Variants in CNTN4 observed in about 807,000 individuals in gnomAD.
CNTN4 encodes the protein contactin 4.
CNTN4 carries 77 observed loss-of-function variants against 122.5 expected under a neutral mutation model. The observed-to-expected ratio is 0.63, with a 90% CI of 0.52 to 0.76. The LOEUF (loss-of-function observed/expected upper bound fraction) is 0.76, where lower values mean the gene tolerates loss of function less well. Among genes scored for constraint, CNTN4 ranks in the 30% least tolerant of loss-of-function variants. CNTN4 has a pLI of 0.00. For missense variants in CNTN4, 1,256 were observed against 1,259.1 expected (o/e 1.00, Z 0.04); for synonymous variants, 512 against 447.0 (o/e 1.15, Z -1.83).
chr3:2,285,264 G>A (rs911237008), intron 2 of CNTN4, among the ~76,000 whole-genome samples: 4 of 151,936 alleles, frequency 2.6e-5, no homozygotes, highest in South Asian at 2.1e-4. Flanking sequence ...GTTCTTAATC[G>A]CAAAAAATTT....
chr3:2,985,029 T>C (rs1191406349), intron 13 of CNTN4, among the ~76,000 whole-genome samples: 2 of 152,268 alleles, frequency 1.3e-5, no homozygotes. Context: ...AGATGGTCTT[T>C]ACTGAGCAAC....
At chr3:2,822,662 C>T (rs975039777) in intron 7 of CNTN4, among the ~76,000 whole-genome samples, 3 of 152,180 alleles carry the variant, frequency 2.0e-5, no homozygotes, top group Admixed American at 2.0e-4. Context: ...AAAACACCAC[C>T]ACTGTCCGAT....
chr3:2,435,218 C>G (rs531024564), intron 3 of CNTN4, among the ~76,000 whole-genome samples: 1 of 152,150 alleles, frequency 6.6e-6, no homozygotes, highest in East Asian at 1.9e-4. Context: ...TACAGTCATC[C>G]CTCAGTGTCT....
intron 6 of CNTN4, among the ~76,000 whole-genome samples, chr3:2,775,969 C>G (rs769704772): frequency 6.6e-6 from 1 of 152,228 alleles, no homozygotes; most frequent in Non-Finnish European, 1.5e-5. Flanking sequence ...TCAGCCCGAA[C>G]TGACCCCTTC....
intron 2 of CNTN4, among the ~76,000 whole-genome samples, chr3:2,213,025 C>A (rs2038687670): frequency 6.6e-6 from 1 of 152,100 alleles, no homozygotes; most frequent in Non-Finnish European, 1.5e-5. Context: ...TTTAAACCTC[C>A]TAAGTATCTT....
intron 5 of CNTN4, among the ~76,000 whole-genome samples, chr3:2,744,885 C>T (rs750542202): frequency 2.6e-5 from 4 of 152,102 alleles, no homozygotes; most frequent in Non-Finnish European, 5.9e-5. Context: ...GTCTTTGCCC[C>T]GATAACCTAA....
At chr3:2,796,151 A>T (rs1035082582) in intron 6 of CNTN4, among the ~76,000 whole-genome samples, 1 of 152,152 alleles carries the variant, frequency 6.6e-6, no homozygotes, top group Non-Finnish European at 1.5e-5. Context: ...AATTAGGTTA[A>T]ATACTTGGTT....
chr3:2,812,464 A>C (rs1328445930), intron 6 of CNTN4, among the ~76,000 whole-genome samples: 1 of 152,232 alleles, frequency 6.6e-6, no homozygotes, highest in Non-Finnish European at 1.5e-5. Context: ...ATAAAGGATA[A>C]GATATCTGAT....
chr3:2,666,905 A>G (rs1236863481), intron 4 of CNTN4, among the ~76,000 whole-genome samples: 1 of 151,988 alleles, frequency 6.6e-6, no homozygotes, highest in African/African-American at 2.4e-5. Flanking sequence ...CCATGTCCCT[A>G]CAAAGGACAT....
chr3:3,040,150 A>G lies in CNTN4; in HGVS notation c.2277A>G (p.Arg759=), dbSNP rs769845602. 1.2e-6 allele frequency: 2 copies of G among 1,614,026 alleles called. No homozygotes were observed. Among genetic ancestry groups the G allele is most frequent in the African/African-American group, 2.7e-5 (2 of 74,936 alleles). The change falls in exon 20 of 25, where the codon AGA becomes AGG. Residue 759 remains arginine (R), a synonymous_variant. Coordinates refer to ENST00000418658, the MANE Select transcript of CNTN4 (RefSeq NM_175607.3). ...TGCTGGCCTCAGCTGATGCCTCTAG[A>G]TACGTGTTCAGGAATGAGAGCGTGC... The part of the protein sequence containing the change: ...LTVLASADAS[R]YVFRNESVHP...
intron 21 of CNTN4, 88 bp from the exon 22 acceptor site, chr3:3,042,889 A>G (rs981739410): frequency 5.6e-6 from 6 of 1,068,122 alleles, no homozygotes; most frequent in East Asian, 2.4e-5. Flanking sequence ...TAACTCCATC[A>G]TAAGAATCTG....
chr3:2,635,971 C>A (rs915555924), intron 4 of CNTN4, among the ~76,000 whole-genome samples: 6 of 152,164 alleles, frequency 3.9e-5, no homozygotes, highest in African/African-American at 1.4e-4. Flanking sequence ...CTCTTCCTTA[C>A]TCCTCCCTAA....
intron 6 of CNTN4, among the ~76,000 whole-genome samples, chr3:2,798,366 A>ATCT (rs57013365): frequency 0.011 from 1,423 of 135,448 alleles, 40 homozygotes; most frequent in African/African-American, 0.035. Flanking sequence ...TACACACATA[A>ATCT]ATCTATCTAT....
intron 4 of CNTN4, among the ~76,000 whole-genome samples, chr3:2,581,379 A>AT (rs2079929756): frequency 6.6e-6 from 1 of 152,178 alleles, no homozygotes; most frequent in South Asian, 2.1e-4. Context: ...TGAGAACCAC[A>AT]TTAAGCACTC....
At chr3:2,631,863 TACAAAAAAAAAAAA>T (rs1253831731) in intron 4 of CNTN4, among the ~76,000 whole-genome samples, 1 of 84,612 alleles carries the variant, frequency 1.2e-5, no homozygotes, top group Non-Finnish European at 2.2e-5. Flanking sequence ...ACCGTATCTC[TACAAAAAAAAAAAA>T]ACAAAAAAAA....
In CNTN4 at chr3:2,271,017, A is replaced by G. The variant is rs575585461; in HGVS notation, c.-144-68161A>G. Among the ~76,000 whole-genome samples the G allele has an allele frequency of 2.0e-5, 3 of 152,260 alleles. No individual in the cohort carries two copies. The South Asian group carries it at 6.2e-4, about 32-fold the overall frequency. On this transcript the variant is annotated intron_variant, in intron 2 of 24. Coordinates refer to ENST00000418658, the MANE Select transcript of CNTN4 (RefSeq NM_175607.3). ...CTGAATATTAATTAGACCACTGCTT[A>G]TTAACTTAGGGACCTCTCTGCTTTT...
intron 2 of CNTN4, among the ~76,000 whole-genome samples, chr3:2,218,919 C>T (rs189183279): frequency 8.1e-4 from 123 of 152,274 alleles, no homozygotes; most frequent in African/African-American, 2.8e-3. Flanking sequence ...CTGTAGGAAG[C>T]TGTGCTATGG....
At chr3:2,868,351 A>C (rs572109176) in intron 8 of CNTN4, among the ~76,000 whole-genome samples, 1 of 152,180 alleles carries the variant, frequency 6.6e-6, no homozygotes, top group Non-Finnish European at 1.5e-5. Flanking sequence ...CCAGAGCCTG[A>C]TATCTTAAAC....
At chr3:2,332,513 G>T (rs946765329) in intron 2 of CNTN4, among the ~76,000 whole-genome samples, 11 of 151,878 alleles carry the variant, frequency 7.2e-5, no homozygotes, top group Non-Finnish European at 1.6e-4. Context: ...TCTGAGTTAG[G>T]GAGATCAGAA....
Sources: allele counts gnomAD v4.1 joint callset (sites outside exome capture counted in the v4.1 genomes callset), GRCh38; gene constraint gnomAD v4.1.1; transcripts MANE v1.5; gene names NCBI Gene and HGNC (gene_info 2026-07-23, HGNC 2026-07-21).